The following MYO18B variants were observed in gnomAD, a reference collection of about 807,000 sequenced individuals.
MYO18B encodes the protein unconventional myosin-XVIIIb.
MYO18B carries 204 observed loss-of-function variants against 273.0 expected under a neutral mutation model. The ratio of observed to expected loss-of-function variants is 0.75; its 90% CI spans 0.67 to 0.84. MYO18B has a LOEUF of 0.84. Ranked by LOEUF, MYO18B falls within the 40% of genes least tolerant of loss-of-function variation. The pLI is 0.00. For missense variants in MYO18B, 3,212 were observed against 3,287.6 expected (o/e 0.98, Z 0.56); for synonymous variants, 1,330 against 1,305.7 (o/e 1.02, Z -0.40).
At chr22:25,803,204 C>A (rs1222086514) in intron 12 of MYO18B, among the ~76,000 whole-genome samples, 1 of 150,156 alleles carries the variant, frequency 6.7e-6, no homozygotes, top group East Asian at 2.0e-4. Flanking sequence ...ACCTCGTGAT[C>A]CGCCTGCCTC....
intron 39 of MYO18B, among the ~76,000 whole-genome samples, chr22:25,964,614 C>T (rs1039491989): frequency 2.6e-5 from 4 of 152,108 alleles, no homozygotes; most frequent in Non-Finnish European, 4.4e-5. Context: ...GCATCCCTGT[C>T]CTCTACCTAC....
rs1044588036 is a variant in MYO18B at position 26,030,853 on chromosome 22, C to A, written c.*423C>A. On this transcript the variant is annotated 3_prime_UTR_variant, in exon 44 of 44. Coordinates refer to ENST00000335473, the MANE Select transcript of MYO18B (RefSeq NM_032608.7). ...AGCTCACTTCCTCCAGGAAGTCTTT[C>A]CTGATATATCAAACTGAAACAAATG... 255 of 398,420 alleles carry A rather than the reference C, an allele frequency of 6.4e-4. 1 individual carries two copies. Among genetic ancestry groups the A allele is most frequent in the Non-Finnish European group, 2.4e-4 (54 of 226,048 alleles). 24.7% of individuals were successfully genotyped at this position (398,420 alleles called of 1,614,324 possible). A position where few individuals can be genotyped will look rare whatever the true frequency, so the allele number is the denominator to read the frequency against.
chr22:25,742,609 A>T lies in MYO18B; in HGVS notation c.-110+316A>T, dbSNP rs567264227. 2.0e-5 allele frequency among the ~76,000 whole-genome samples: 3 copies of T among 152,144 alleles called. No individual in the cohort carries two copies. In the East Asian group the frequency reaches 5.8e-4, roughly 29 times the overall value. Reference sequence around the variant, plus strand: ...AAAAATGTGTTTAGAATCATGAGTTAATCTCCACTGTGAATCTTTGCCCGC... The same window carrying T: ...AAAAATGTGTTTAGAATCATGAGTTTATCTCCACTGTGAATCTTTGCCCGC... On this transcript the variant is annotated intron_variant, in intron 1 of 43. Transcript: ENST00000335473.
the MYO18B span, among the ~76,000 whole-genome samples, chr22:26,057,213 TA>T: frequency 2.7e-5 from 4 of 150,768 alleles, no homozygotes; most frequent in South Asian, 2.1e-4. Context: ...TCTGATCATC[TA>T]AAAAAAAAGG....
chr22:26,058,900 T>A, the MYO18B span, among the ~76,000 whole-genome samples: 258 of 152,254 alleles, frequency 1.7e-3, no homozygotes, highest in Middle Eastern at 0.034. Context: ...ATAGCAACAC[T>A]AAATGGACTA....
chr22:25,988,418 G>A (rs2093225390), intron 39 of MYO18B, among the ~76,000 whole-genome samples: 1 of 152,046 alleles, frequency 6.6e-6, no homozygotes, highest in Non-Finnish European at 1.5e-5. Context: ...GGATGCAGAG[G>A]GCGGCAAGGG....
intron 42 of MYO18B, among the ~76,000 whole-genome samples, chr22:26,021,863 C>T (rs371423603): frequency 3.9e-5 from 6 of 152,350 alleles, no homozygotes; most frequent in African/African-American, 1.4e-4. Flanking sequence ...TGGTATCCAG[C>T]ACAGCACCTG....
At chr22:25,817,374 TCTCCCTCC>T (rs149628916) in intron 12 of MYO18B, among the ~76,000 whole-genome samples, 30,392 of 140,420 alleles carry the variant, frequency 0.22, 3,819 homozygotes, top group Non-Finnish European at 0.25. Flanking sequence ...TCTCCTTCCT[TCTCCCTCC>T]CTCCCTCCCT....
At position 25,874,162 on chromosome 22, in the gene MYO18B, A is replaced by G. The variant is rs945317839; in HGVS notation, c.3952-124A>G. The G allele has an allele frequency of 2.4e-5, 29 of 1,194,492 alleles. No individual in the cohort carries two copies. In the African/African-American group the frequency reaches 2.6e-4, roughly 11 times the overall value. The allele number at this position is 1,194,492 out of a possible 1,614,324, so 74.0% of individuals were successfully genotyped here. On this transcript the variant is annotated intron_variant, in intron 22 of 43. Transcript: ENST00000335473. Reference sequence around the variant, plus strand: ...TTAGACTCCCCCACCTCCCACTTAAAGGGCAACTGCCAACAAATATTGCAG... The same window carrying G: ...TTAGACTCCCCCACCTCCCACTTAAGGGGCAACTGCCAACAAATATTGCAG...
At chr22:25,787,152 T>C (rs914040867) in intron 11 of MYO18B, among the ~76,000 whole-genome samples, 1 of 151,650 alleles carries the variant, frequency 6.6e-6, no homozygotes, top group Admixed American at 6.6e-5. Flanking sequence ...GAGGTGGAGG[T>C]TGCAATGAGC....
intron 39 of MYO18B, among the ~76,000 whole-genome samples, chr22:25,962,013 C>A (rs1057403479): frequency 3.9e-5 from 6 of 152,184 alleles, no homozygotes; most frequent in African/African-American, 7.2e-5. Context: ...CTAAGGCCCT[C>A]ACTAGAAGCA....
intron 3 of MYO18B, among the ~76,000 whole-genome samples, chr22:25,767,340 C>T (rs2086541137): frequency 1.3e-5 from 2 of 152,066 alleles, no homozygotes; most frequent in South Asian, 4.2e-4. Context: ...AGTGGGGGAC[C>T]CCAGGGGCAG....
chr22:26,006,414 A>AGTTTTAGAATT, intron 42 of MYO18B: 1 of 257,666 alleles, frequency 3.9e-6, no homozygotes, highest in South Asian at 7.7e-5. Flanking sequence ...CCTGTTGAAA[A>AGTTTTAGAATT]GTTTTAGAAT....
chr22:25,763,111 T>G, intron 2 of MYO18B, 120 bp from the exon 3 acceptor site: 4 of 1,179,936 alleles, frequency 3.4e-6, no homozygotes, highest in Non-Finnish European at 3.8e-6. Flanking sequence ...TTCTCATACA[T>G]GGGCTTGGTC....
the MYO18B span, among the ~76,000 whole-genome samples, chr22:26,048,747 T>A: frequency 6.6e-6 from 1 of 152,170 alleles, no homozygotes; most frequent in Admixed American, 6.5e-5. Context: ...AGTGCTGCAA[T>A]GAACGTATGC....
At chr22:25,881,272 C>T (rs2091326153) in intron 25 of MYO18B, among the ~76,000 whole-genome samples, 2 of 152,224 alleles carry the variant, frequency 1.3e-5, no homozygotes. Flanking sequence ...AGGCAGAAGC[C>T]TTGCTCCTTG....
chr22:25,880,762 G>A (rs373604478), intron 25 of MYO18B, among the ~76,000 whole-genome samples: 1 of 152,344 alleles, frequency 6.6e-6, no homozygotes, highest in Middle Eastern at 3.4e-3. Context: ...GAAGTGCTAC[G>A]GATATGAAGC....
chr22:25,948,434 C>CTTTTT (rs1569224880), intron 36 of MYO18B, among the ~76,000 whole-genome samples: 12 of 111,786 alleles, frequency 1.1e-4, no homozygotes, highest in African/African-American at 3.8e-4. Flanking sequence ...TTCCTTCCTT[C>CTTTTT]CTTCCTTCCT....
rs1282425140 is a variant in MYO18B at position 25,872,792 on chromosome 22, AG to A, written c.3952-1493del. On this transcript the variant is annotated intron_variant, in intron 22 of 43. Transcript: ENST00000335473. Reference sequence around the variant, plus strand: ...GTTGTTTAGTCCAGTTCCAAAACACAGTAAGTGCCCCCTAAATGTTATCCAT... The same window carrying A: ...GTTGTTTAGTCCAGTTCCAAAACACATAAGTGCCCCCTAAATGTTATCCAT... Among the ~76,000 whole-genome samples the A allele has an allele frequency of 3.3e-5, 5 of 152,312 alleles. No homozygotes were observed. The South Asian group carries it at 1.0e-3, about 32-fold the overall frequency.
Sources: gnomAD v4.1 joint callset for allele counts (sites outside exome capture counted in the v4.1 genomes callset) on GRCh38, gnomAD v4.1.1 for gene constraint, MANE v1.5 for transcripts, NCBI Gene and HGNC (gene_info 2026-07-23, HGNC 2026-07-21) for gene names.